Variants in PTRH1 observed in about 807,000 individuals in gnomAD.
The protein encoded by PTRH1 is peptidyl-tRNA hydrolase 1 homolog.
A neutral mutation model predicts 15.7 loss-of-function variants in PTRH1; 13 were observed. The ratio of observed to expected loss-of-function variants is 0.83; its 90% CI spans 0.54 to 1.31. The LOEUF is 1.31. Among genes scored for constraint, PTRH1 ranks in the 40% most tolerant of loss-of-function variants. The pLI is 0.00. For synonymous variants in PTRH1, 139 were observed against 136.7 expected, an observed-to-expected ratio of 1.02 and a Z score of -0.12; for missense variants, 319 against 296.2, an observed-to-expected ratio of 1.08 and a Z score of -0.56.
chr9:127,708,432 G>A (rs1176347932), intron 1 of PTRH1, among the ~76,000 whole-genome samples: 2 of 152,110 alleles, frequency 1.3e-5, no homozygotes, highest in Non-Finnish European at 2.9e-5. Context: ...AGCCGAGATC[G>A]TGCCACTGCA....
chr9:127,703,463 GAA>G (rs1318917724), intron 1 of PTRH1, among the ~76,000 whole-genome samples: 1 of 152,030 alleles, frequency 6.6e-6, no homozygotes, highest in African/African-American at 2.4e-5. Context: ...GAGAGAAAGA[GAA>G]AGAGAAAGAG....
intron 1 of PTRH1, among the ~76,000 whole-genome samples, chr9:127,708,080 C>G (rs938549660): frequency 6.6e-6 from 1 of 152,200 alleles, no homozygotes; most frequent in Non-Finnish European, 1.5e-5. Flanking sequence ...GGAGCCCTGG[C>G]CTCCTGACTC....
rs1313600889 is a variant in PTRH1, at chr9:127,715,211, G to A, written c.97-17C>T. 3 of 1,526,648 alleles carry A rather than the reference G, an allele frequency of 2.0e-6. No homozygotes were observed. Among genetic ancestry groups the A allele is most frequent in the African/African-American group, 2.8e-5 (2 of 72,704 alleles). The allele number at this position is 1,526,648 out of a possible 1,614,324, so 94.6% of individuals were successfully genotyped here. A position where few individuals can be genotyped will look rare whatever the true frequency, so the allele number is the denominator to read the frequency against. ...GCCAGCCACCTGCGGGCGGCACCAG[G>A]GAAACTGAGGCCCAACAACTCTCGC... On this transcript the variant is annotated splice_polypyrimidine_tract_variant and intron_variant, in intron 1 of 4. Transcript: ENST00000543175. The surrounding 1 kb of genome is among the most constrained non-coding windows in gnomAD (Gnocchi z 5.8).
downstream of PTRH1, chr9:127,712,943 G>A: frequency 6.3e-7 from 1 of 1,590,246 alleles, no homozygotes; most frequent in Non-Finnish European, 8.6e-7. Context: ...TTCAGCCATG[G>A]GGACAGTGCT....
At chr9:127,706,312 A>G (rs553983493) in intron 1 of PTRH1, among the ~76,000 whole-genome samples, 1 of 150,648 alleles carries the variant, frequency 6.6e-6, no homozygotes, top group East Asian at 1.9e-4. Context: ...GGGTCCTACA[A>G]CTCACAACAT....
rs1842840342 is a variant in PTRH1, at chr9:127,714,142, G to C, written c.603C>G (p.Asp201Glu). Residue 201 changes from aspartate (D) to glutamate (E), a missense_variant, in exon 5 of 5, where the codon GAC becomes GAG. Transcript: ENST00000543175. ...GCCCCTGGCTTCGCTCACGGATGTG[G>C]TCCAAGATCAGGTCGGTGGCTCGAT... ...LLDRATDLIL[D>E]HIRERSQGPS... 6.2e-7 allele frequency: 1 copy of C among 1,613,780 alleles called. No homozygotes were observed. Among genetic ancestry groups the C allele is most frequent in the African/African-American group, 1.3e-5 (1 of 75,066 alleles).
chr9:127,707,329 C>T (rs960413622), intron 1 of PTRH1: 23 of 869,594 alleles, frequency 2.6e-5, no homozygotes, highest in Non-Finnish European at 3.6e-5. Context: ...CATCCCGACC[C>T]CAGCCTCATT....
At position 127,715,206 on chromosome 9, in the gene PTRH1, A is replaced by G. The variant is rs559583326; in HGVS notation, c.97-12T>C. 2.8e-5 allele frequency: 42 copies of G among 1,526,804 alleles called. No individual in the cohort carries two copies. In the African/African-American group the frequency reaches 5.2e-4, roughly 19 times the overall value. The allele number at this position is 1,526,804 out of a possible 1,614,324, so 94.6% of individuals were successfully genotyped here. On this transcript the variant is annotated splice_polypyrimidine_tract_variant and intron_variant, in intron 1 of 4. Transcript: ENST00000543175. This position sits in a 1 kb window ranked among gnomAD's most constrained non-coding sequence, Gnocchi z 5.8. ...CCCAGGCCAGCCACCTGCGGGCGGC[A>G]CCAGGGAAACTGAGGCCCAACAACT... is the stretch of plus-strand genomic sequence containing the variant.
chr9:127,712,282 A>C (rs201161264), downstream of PTRH1: 26 of 1,614,082 alleles, frequency 1.6e-5, no homozygotes, highest in Non-Finnish European at 2.1e-5. Context: ...GCTAATGAGC[A>C]GAAGGTTCGG....
intron 3 of PTRH1, 41 bp downstream of exon 3, chr9:127,714,562 C>A (rs1203540360): frequency 3.8e-6 from 6 of 1,597,924 alleles, no homozygotes; most frequent in South Asian, 2.2e-5. Flanking sequence ...AACTGGGAGG[C>A]CTGAAGCCCT....
chr9:127,711,793 G>T, downstream of PTRH1: 1 of 1,549,284 alleles, frequency 6.5e-7, no homozygotes, highest in African/African-American at 1.4e-5. Context: ...GCAGGCTGAG[G>T]GCATGGCCAC....
Position 127,715,374 on chromosome 9 carries a change from G to T in PTRH1, c.96+170C>A, listed in dbSNP as rs999480205. 2 of 1,250,276 alleles carry T rather than the reference G, an allele frequency of 1.6e-6. No individual in the cohort carries two copies. The highest frequency in any genetic ancestry group is 2.5e-5 in the East Asian group (1 of 39,634). The allele number at this position is 1,250,276 out of a possible 1,614,324, so 77.4% of individuals were successfully genotyped here. A position where few individuals can be genotyped will look rare whatever the true frequency, so the allele number is the denominator to read the frequency against. On this transcript the variant is annotated intron_variant, in intron 1 of 4. Transcript: ENST00000543175. This position sits in a 1 kb window ranked among gnomAD's most constrained non-coding sequence, Gnocchi z 5.8. ...GAACTCCAGAAGGCTGGGCAGGCAG[G>T]GCGCCCTAGTGCAGGAACGGAGCTT...
At chr9:127,709,777 T>A (rs1209167304), downstream of PTRH1, 1 of 1,428,298 alleles carries the variant, frequency 7.0e-7, no homozygotes, top group Non-Finnish European at 9.5e-7. This position sits in a 1 kb window ranked among gnomAD's most constrained non-coding sequence, Gnocchi z 4.7. Flanking sequence ...GAAACAGGGA[T>A]AATAGCCACA....
At chr9:127,712,840 C>A (rs377150093), downstream of PTRH1, 9 of 1,613,340 alleles carry the variant, frequency 5.6e-6, no homozygotes, top group Non-Finnish European at 7.6e-6. Context: ...CGTGTCCCCA[C>A]CAGGAGTCAC....
chr9:127,701,674 A>G (rs767206677), intron 1 of PTRH1, among the ~76,000 whole-genome samples: 2 of 152,206 alleles, frequency 1.3e-5, no homozygotes, highest in Non-Finnish European at 2.9e-5. Flanking sequence ...GCACTTTGGG[A>G]GGCCAAGGTG....
At position 127,713,827 on chromosome 9, in the gene PTRH1, C is replaced by T. The variant is rs535374042; in HGVS notation, c.*273G>A. The T allele has an allele frequency of 3.7e-6, 6 of 1,613,130 alleles. No homozygotes were observed. The highest frequency in any genetic ancestry group is 1.7e-5 in the Admixed American group (1 of 59,996). On this transcript the variant is annotated 3_prime_UTR_variant, in exon 5 of 5. Transcript: ENST00000543175. Reference sequence around the variant, plus strand: ...CGGCCTCCAAGCCAGCATCTTTAATCTTACAGATGCGTGCCCCTGGTTCTC... The same window carrying T: ...CGGCCTCCAAGCCAGCATCTTTAATTTTACAGATGCGTGCCCCTGGTTCTC...
At chr9:127,709,731 A>T, downstream of PTRH1, 1 of 1,593,586 alleles carries the variant, frequency 6.3e-7, no homozygotes, top group Non-Finnish European at 8.6e-7. The surrounding 1 kb of genome is among the most constrained non-coding windows in gnomAD (Gnocchi z 4.7). Flanking sequence ...GCAGGCACAC[A>T]TCCCAGCTCT....
downstream of PTRH1, among the ~76,000 whole-genome samples, chr9:127,710,923 G>A (rs1564365853): frequency 1.3e-5 from 2 of 152,156 alleles, no homozygotes; most frequent in Non-Finnish European, 2.9e-5. Flanking sequence ...ATGGAGGGGT[G>A]GGAGAAAAGG....
At chr9:127,703,443 AAGAG>A (rs758847128) in intron 1 of PTRH1, among the ~76,000 whole-genome samples, 38 of 151,688 alleles carry the variant, frequency 2.5e-4, no homozygotes, top group South Asian at 8.3e-4. Flanking sequence ...AAGAGAAAGA[AAGAG>A]AGAGAGAGAG....
Sources: allele counts gnomAD v4.1 joint callset (sites outside exome capture counted in the v4.1 genomes callset), GRCh38; gene constraint gnomAD v4.1.1; non-coding constraint Gnocchi (gnomAD v3.1); transcripts MANE v1.5; gene names NCBI Gene and HGNC (gene_info 2026-07-23, HGNC 2026-07-21).